The following BANP variants were observed in gnomAD, a reference collection of about 807,000 sequenced individuals.
BANP encodes protein BANP.
In BANP, 11 loss-of-function variants were observed where a neutral mutation model predicts 68.1. The ratio of observed to expected loss-of-function variants is 0.16; its 90% CI spans 0.10 to 0.27. The LOEUF is 0.27. Among genes scored for constraint, BANP ranks in the 10% least tolerant of loss-of-function variants. The probability of loss-of-function intolerance (pLI) is 1.00; values close to 1 mark genes in which losing one functional copy is unlikely to be tolerated. For synonymous variants in BANP, 329 were observed against 303.2 expected (o/e 1.09, Z -0.88); for missense variants, 504 against 722.7 (o/e 0.70, Z 3.47).
Position 88,027,580 on chromosome 16 carries a change from G to A in BANP, c.993G>A (p.Gln331=). 1 of 1,613,812 alleles carries A rather than the reference G, an allele frequency of 6.2e-7. No individual in the cohort carries two copies. Among genetic ancestry groups the A allele is most frequent in the Non-Finnish European group, 8.5e-7 (1 of 1,179,864 alleles). The change falls in exon 8 of 14, where the codon CAG becomes CAA. Residue 331 remains glutamine (Q), a synonymous_variant. Coordinates refer to ENST00000682872, the MANE Select transcript of BANP (RefSeq NM_001386991.1). ...SKCRTAWRRK[Q]RGQSLAVKSF... is the part of the protein sequence containing the mutation. ...GCCGCACGGCGTGGCGGCGCAAGCA[G>A]CGGGGCCAGAGCCTGGCGGTCAAGA...
intron 8 of BANP, 146 bp from the exon 9 acceptor site, chr16:88,032,963 G>C (rs2078524195): frequency 2.2e-6 from 2 of 905,606 alleles, no homozygotes; most frequent in Non-Finnish European, 3.2e-6. Flanking sequence ...CAGAAGAGTG[G>C]AGATGCAGTG....
At chr16:87,960,071 A>G (rs6540124) in intron 1 of BANP, 102,241 of 152,288 alleles carry the variant, frequency 0.67, 35,213 homozygotes, top group African/African-American at 0.8. Context: ...CCTGGGAGAC[A>G]GTCCCAAGGG....
In BANP at chr16:87,985,798, A is replaced by T. The variant is rs11117344; in HGVS notation, c.362+1539A>T. Among the ~76,000 whole-genome samples, 1,079 of 152,130 alleles carry T rather than the reference A, an allele frequency of 7.1e-3. 16 individuals are homozygous for T. The highest frequency in any genetic ancestry group is 0.025 in the African/African-American group (1,020 of 41,504). On this transcript the variant is annotated intron_variant, in intron 4 of 13. Coordinates refer to ENST00000682872, the MANE Select transcript of BANP (RefSeq NM_001386991.1). The stretch of plus-strand genomic sequence containing the variant: ...GGGAGTTCAGCCCCCAGCTGGTGAT[A>T]GAATATTACAGAATGGTGAGCAGTT...
chr16:88,067,949 C>T (rs1567931922), intron 12 of BANP, among the ~76,000 whole-genome samples: 2 of 152,250 alleles, frequency 1.3e-5, no homozygotes, highest in Non-Finnish European at 2.9e-5. Flanking sequence ...GTCAATGCCC[C>T]CTCCGTCCCC....
chr16:87,958,065 T>A (rs984666022), intron 1 of BANP, among the ~76,000 whole-genome samples: 2 of 152,186 alleles, frequency 1.3e-5, no homozygotes, highest in Non-Finnish European at 2.9e-5. Context: ...CCAACAGTTG[T>A]GACTGTCAGT....
chr16:88,040,254 C>A (rs1180872797), intron 11 of BANP, among the ~76,000 whole-genome samples: 1 of 139,452 alleles, frequency 7.2e-6, no homozygotes. Flanking sequence ...TTGTGGAAAT[C>A]CTTTTTTTTT....
Position 88,004,313 on chromosome 16 carries a change from A to G in BANP, c.381A>G (p.Thr127=). 6.5e-7 allele frequency: 1 copy of G among 1,547,238 alleles called. No individual in the cohort carries two copies. The highest frequency in any genetic ancestry group is 8.7e-7 in the Non-Finnish European group (1 of 1,143,594). The change falls in exon 5 of 14, where the codon ACA becomes ACG. Residue 127 remains threonine, a synonymous_variant. Transcript: ENST00000682872. This position sits in a 1 kb window ranked among gnomAD's most constrained non-coding sequence, Gnocchi z 7.0. Reference sequence around the variant, plus strand: ...TCCCTAGCGTCGTCCCCCAGACTACAGTAATACTCAACAATGATCGGCAGA... The same window carrying G: ...TCCCTAGCGTCGTCCCCCAGACTACGGTAATACTCAACAATGATCGGCAGA... The part of the protein sequence containing the change: ...NKVRCVVPQT[T]VILNNDRQNA...
intron 11 of BANP, among the ~76,000 whole-genome samples, chr16:88,056,052 A>T (rs911801098): frequency 6.6e-6 from 1 of 152,196 alleles, no homozygotes; most frequent in Admixed American, 6.5e-5. Flanking sequence ...CCACCTGGAC[A>T]GCTGGCTCTT....
intron 2 of BANP, among the ~76,000 whole-genome samples, chr16:87,977,294 C>A (rs1361850005): frequency 6.6e-6 from 1 of 152,190 alleles, no homozygotes; most frequent in East Asian, 1.9e-4. Context: ...TGGCGGGCGC[C>A]TGTAGTCCCA....
At chr16:87,989,966 C>T (rs1370210373) in intron 4 of BANP, among the ~76,000 whole-genome samples, 4 of 151,798 alleles carry the variant, frequency 2.6e-5, no homozygotes, top group Admixed American at 1.3e-4. Flanking sequence ...TGCAGGCCCG[C>T]GTGGCTGCGC....
At position 88,076,733 on chromosome 16, in the gene BANP, C is replaced by CGGCG; in HGVS notation, c.*75_*76insGGGC. 7.7e-7 allele frequency: 1 copy of CGGCG among 1,301,018 alleles called. No individual in the cohort carries two copies. The highest frequency in any genetic ancestry group is 1.1e-6 in the Non-Finnish European group (1 of 949,736). 80.6% of individuals were successfully genotyped at this position (1,301,018 alleles called of 1,614,324 possible). On this transcript the variant is annotated 3_prime_UTR_variant, in exon 14 of 14. Coordinates refer to ENST00000682872, the MANE Select transcript of BANP (RefSeq NM_001386991.1). ...CCGGCCCCCACGCGCCCTGCTCTCA[C>CGGCG]GGCCTCGGCACAGGCAGCGGCTGCA... is the stretch of plus-strand genomic sequence containing the variant.
rs746919804 is a variant in BANP, at chr16:87,975,096, G to T, written c.-20G>T. On this transcript the variant is annotated 5_prime_UTR_variant, in exon 2 of 14. Transcript: ENST00000682872. The stretch of plus-strand genomic sequence containing the variant: ...TGAGTTGAACTCTTTCGTGTTGACC[G>T]GCCACTCTCCGTGCTCTGGATGATG... 6.3e-7 allele frequency: 1 copy of T among 1,589,374 alleles called. No individual in the cohort carries two copies. Among genetic ancestry groups the T allele is most frequent in the Non-Finnish European group, 8.6e-7 (1 of 1,162,856 alleles).
chr16:87,996,376 C>T (rs2067210837), intron 4 of BANP, among the ~76,000 whole-genome samples: 1 of 152,240 alleles, frequency 6.6e-6, no homozygotes, highest in Non-Finnish European at 1.5e-5. Context: ...GGATGTTCTG[C>T]TGCTCTGAAG....
chr16:88,057,788 C>T lies in BANP; in HGVS notation c.1312-7479C>T, dbSNP rs1176263291. On this transcript the variant is annotated intron_variant, in intron 11 of 13. Coordinates refer to ENST00000682872, the MANE Select transcript of BANP (RefSeq NM_001386991.1). This position sits in a 1 kb window ranked among gnomAD's most constrained non-coding sequence, Gnocchi z 4.6. ...GGGTGCGTGCAGTGACTCGCGCTGG[C>T]CCTGTCCCCGCACCCTGGACTCCAG... 6.6e-6 allele frequency among the ~76,000 whole-genome samples: 1 copy of T among 151,868 alleles called. No individual in the cohort carries two copies. Among genetic ancestry groups the T allele is most frequent in the East Asian group, 1.9e-4 (1 of 5,158 alleles).
chr16:88,073,420 G>A lies in BANP; in HGVS notation c.1521+1208G>A, dbSNP rs571966233. Among the ~76,000 whole-genome samples, 17 of 152,026 alleles carry A rather than the reference G, an allele frequency of 1.1e-4. No individual in the cohort carries two copies. The South Asian group carries it at 2.5e-3, about 23-fold the overall frequency. On this transcript the variant is annotated intron_variant, in intron 13 of 13. Coordinates refer to ENST00000682872, the MANE Select transcript of BANP (RefSeq NM_001386991.1). ...GAGGCACGCCCTGTACTCTGCCCAT[G>A]GGCGCGGTGGCCCCCGCAGAGGCGC...
At position 87,981,049 on chromosome 16, in the gene BANP, T is replaced by C. The variant is rs746600177; in HGVS notation, c.84T>C (p.Asn28=). 3 of 1,612,830 alleles carry C rather than the reference T, an allele frequency of 1.9e-6. No homozygotes were observed. The South Asian group carries it at 3.3e-5, about 18-fold the overall frequency. ...LSPDHPVVLE[N]HVVTDEDEPA... ...CACTGATTTCAGTTGTTTTGGAGAA[T>C]CATGTAGTGACAGATGAAGACGAAC... The change falls in exon 3 of 14, where the codon AAT becomes AAC. Residue 28 remains asparagine, a synonymous_variant. Transcript: ENST00000682872.
intron 7 of BANP, among the ~76,000 whole-genome samples, chr16:88,023,282 C>G (rs2076354444): frequency 6.6e-6 from 1 of 152,074 alleles, no homozygotes; most frequent in Non-Finnish European, 1.5e-5. Context: ...CTGTGAGGGG[C>G]TCTCTGGCTA....
intron 11 of BANP, among the ~76,000 whole-genome samples, chr16:88,062,344 T>C (rs530387651): frequency 1.3e-5 from 2 of 152,228 alleles, no homozygotes; most frequent in African/African-American, 2.4e-5. Context: ...AGTTGGACAT[T>C]ACACAGAATT....
intron 4 of BANP, among the ~76,000 whole-genome samples, chr16:87,984,743 T>G (rs1408348585): frequency 6.6e-6 from 1 of 152,226 alleles, no homozygotes; most frequent in African/African-American, 2.4e-5. Context: ...ACTGTTTGAG[T>G]AGAACCTTTA....
Sources: allele counts gnomAD v4.1 joint callset (sites outside exome capture counted in the v4.1 genomes callset), GRCh38; gene constraint gnomAD v4.1.1; non-coding constraint Gnocchi (gnomAD v3.1); transcripts MANE v1.5; gene names NCBI Gene and HGNC (gene_info 2026-07-23, HGNC 2026-07-21).